ACTR3: variants seen among roughly 807,000 people sequenced by gnomAD.
ACTR3 encodes the protein actin-related protein 3.
ACTR3 carries 12 observed loss-of-function variants against 56.8 expected under a neutral mutation model. The ratio of observed to expected loss-of-function variants is 0.21; its 90% CI spans 0.14 to 0.34. The LOEUF (loss-of-function observed/expected upper bound fraction) is 0.34, where lower values mean the gene tolerates loss of function less well. Among genes scored for constraint, ACTR3 ranks in the 10% least tolerant of loss-of-function variants. ACTR3 has a pLI of 1.00. For synonymous variants in ACTR3, 162 were observed against 167.4 expected (o/e 0.97, Z 0.25); for missense variants, 282 against 512.5 (o/e 0.55, Z 4.34).
intron 4 of ACTR3, among the ~76,000 whole-genome samples, chr2:113,929,677 A>G (rs1022957284): frequency 6.6e-6 from 1 of 151,518 alleles, no homozygotes; most frequent in Non-Finnish European, 1.5e-5. Context: ...TGGCTTATCA[A>G]TCTTTTATAC....
chr2:113,890,135 C>A lies in ACTR3; in HGVS notation c.-145C>A. On this transcript the variant is annotated 5_prime_UTR_variant, in exon 1 of 12. In the 5' UTR this introduces an upstream ATG that the reference lacks. Coordinates refer to ENST00000263238, the MANE Select transcript of ACTR3 (RefSeq NM_005721.5). ...GACCGAGCCTGCTGCTTTCTTGCTA[C>A]TGCTTCGGCTTCCCGGCTACCCCCC... 1 of 1,030,334 alleles carries A rather than the reference C, an allele frequency of 9.7e-7. No homozygotes were observed. Among genetic ancestry groups the A allele is most frequent in the Non-Finnish European group, 1.5e-6 (1 of 689,200 alleles). The allele number at this position is 1,030,334 out of a possible 1,614,324, so 63.8% of individuals were successfully genotyped here. A position where few individuals can be genotyped will look rare whatever the true frequency, so the allele number is the denominator to read the frequency against.
intron 4 of ACTR3, 58 bp from the exon 5 acceptor site, chr2:113,931,243 A>C (rs931595494): frequency 1.5e-5 from 16 of 1,093,190 alleles, no homozygotes; most frequent in Admixed American, 1.4e-4. Flanking sequence ...AAAAATTGTC[A>C]AGAAAGTTAT....
At chr2:113,952,066 C>T in intron 10 of ACTR3, 1 of 545,390 alleles carries the variant, frequency 1.8e-6, no homozygotes, top group Non-Finnish European at 3.0e-6. Context: ...TTAGTAATAC[C>T]TGTGGAAAGA....
chr2:113,890,431 C>A, intron 1 of ACTR3, 108 bp downstream of exon 1: 1 of 1,348,552 alleles, frequency 7.4e-7, no homozygotes, highest in Non-Finnish European at 1.0e-6. Flanking sequence ...CCGCCGCCGG[C>A]TGTCAGTCCT....
chr2:113,894,850 G>C (rs1032119662), intron 1 of ACTR3, among the ~76,000 whole-genome samples: 4 of 152,166 alleles, frequency 2.6e-5, no homozygotes, highest in African/African-American at 9.7e-5. Flanking sequence ...ATTTGGACCT[G>C]AGTTCTGTAT....
chr2:113,893,107 T>C (rs1323269686), intron 1 of ACTR3, among the ~76,000 whole-genome samples: 1 of 152,196 alleles, frequency 6.6e-6, no homozygotes, highest in African/African-American at 2.4e-5. Flanking sequence ...CATTGGTGGC[T>C]TGAAAACTAA....
At chr2:113,913,368 G>A in intron 2 of ACTR3, 141 bp downstream of exon 2, 1 of 556,190 alleles carries the variant, frequency 1.8e-6, no homozygotes, top group Non-Finnish European at 3.0e-6. Context: ...TCTAAGTGTG[G>A]CCTCATTTTT....
chr2:113,919,155 T>G (rs557421972), intron 3 of ACTR3, among the ~76,000 whole-genome samples: 1 of 152,354 alleles, frequency 6.6e-6, no homozygotes, highest in South Asian at 2.1e-4. Flanking sequence ...TACTTAACTC[T>G]TAAATATGAA....
intron 5 of ACTR3, 54 bp from the exon 6 acceptor site, chr2:113,934,225 T>A (rs1353075939): frequency 1.6e-6 from 2 of 1,262,742 alleles, no homozygotes; most frequent in Non-Finnish European, 2.2e-6. Context: ...TAACTCTTTG[T>A]TTTTTTGTTT....
chr2:113,913,523 G>A (rs1387685128), intron 2 of ACTR3, among the ~76,000 whole-genome samples: 1 of 152,104 alleles, frequency 6.6e-6, no homozygotes, highest in East Asian at 1.9e-4. Flanking sequence ...TAACAGTATG[G>A]GGGTATAACT....
At chr2:113,936,175 C>A (rs1324600842) in intron 6 of ACTR3, among the ~76,000 whole-genome samples, 1 of 151,676 alleles carries the variant, frequency 6.6e-6, no homozygotes, top group South Asian at 2.1e-4. Context: ...GACTGTAGTC[C>A]CAGCTACTCC....
Position 113,942,175 on chromosome 2 carries a change from T to C in ACTR3, c.685-11T>C, listed in dbSNP as rs1679935714. 1.9e-6 allele frequency: 3 copies of C among 1,544,346 alleles called. No homozygotes were observed. Among genetic ancestry groups the C allele is most frequent in the Non-Finnish European group, 1.7e-6 (2 of 1,157,298 alleles). ...AGCAAAAAAAGTTACTTTTGTTTCTTTGTTTTTCAGGAGCGCTATAGTTAT... is the reference window on the plus strand; with the variant it reads ...AGCAAAAAAAGTTACTTTTGTTTCTCTGTTTTTCAGGAGCGCTATAGTTAT... On this transcript the variant is annotated splice_polypyrimidine_tract_variant and intron_variant, in intron 7 of 11. Transcript: ENST00000263238.
intron 6 of ACTR3, among the ~76,000 whole-genome samples, chr2:113,936,933 A>G (rs1187225019): frequency 7.2e-5 from 11 of 152,156 alleles, no homozygotes; most frequent in Admixed American, 2.0e-4. Flanking sequence ...TAAGGACACC[A>G]CTTATATTGG....
intron 3 of ACTR3, 117 bp downstream of exon 3, chr2:113,917,125 T>C (rs1679420793): frequency 1.1e-6 from 1 of 890,274 alleles, no homozygotes; most frequent in Admixed American, 4.2e-5. Flanking sequence ...CTCTTCTCAG[T>C]AGAAATTTCT....
intron 3 of ACTR3, among the ~76,000 whole-genome samples, chr2:113,923,233 C>G (rs993155606): frequency 1.3e-5 from 2 of 152,180 alleles, no homozygotes; most frequent in Non-Finnish European, 2.9e-5. Flanking sequence ...TTTGTTAAAT[C>G]CAATTATATG....
chr2:113,945,809 G>A (rs995153624), intron 8 of ACTR3, among the ~76,000 whole-genome samples: 9 of 151,914 alleles, frequency 5.9e-5, no homozygotes, highest in African/African-American at 2.2e-4. Context: ...TCCACCCTCC[G>A]ATAGGCCCCA....
At chr2:113,908,195 A>T (rs1574355527) in intron 1 of ACTR3, among the ~76,000 whole-genome samples, 1 of 151,266 alleles carries the variant, frequency 6.6e-6, no homozygotes. Context: ...TAGTGATTAC[A>T]TCCTTAAATT....
At position 113,942,314 on chromosome 2, in the gene ACTR3, T is replaced by C; in HGVS notation, c.813T>C (p.Val271=). ...CAAAGAAAGAGTTTTCTATCGATGT[T>C]GGTTATGAGAGATTTTTGGGACCTG... is the stretch of plus-strand genomic sequence containing the variant. The part of the protein sequence containing the change: ...AISKKEFSID[V]GYERFLGPEI... Residue 271 remains valine, a synonymous_variant, in exon 8 of 12, where the codon GTT becomes GTC. Coordinates refer to ENST00000263238, the MANE Select transcript of ACTR3 (RefSeq NM_005721.5). 1 of 1,592,328 alleles carries C rather than the reference T, an allele frequency of 6.3e-7. No individual in the cohort carries two copies.
At chr2:113,941,102 G>C (rs892983682) in intron 7 of ACTR3, among the ~76,000 whole-genome samples, 12 of 152,162 alleles carry the variant, frequency 7.9e-5, no homozygotes, top group African/African-American at 2.6e-4. Flanking sequence ...CACCATGCCT[G>C]GGCCTCTTTG....
Sources: gnomAD v4.1 joint callset for allele counts (sites outside exome capture counted in the v4.1 genomes callset) on GRCh38, gnomAD v4.1.1 for gene constraint, MANE v1.5 for transcripts, NCBI Gene and HGNC (gene_info 2026-07-23, HGNC 2026-07-21) for gene names.